ATIC: variants seen among roughly 807,000 people sequenced by gnomAD.
The protein encoded by ATIC is bifunctional purine biosynthesis protein ATIC.
Under a neutral mutation model 72.5 loss-of-function variants are expected in ATIC, and 64 were observed. The ratio of observed to expected loss-of-function variants is 0.88; its 90% CI spans 0.72 to 1.09. The LOEUF (loss-of-function observed/expected upper bound fraction) is 1.09. Among genes scored for constraint, ATIC ranks in the 50% least tolerant of loss-of-function variants. ATIC has a pLI of 0.00. For synonymous variants in ATIC, 281 were observed against 267.1 expected (o/e 1.05, Z -0.51); for missense variants, 787 against 732.4 (o/e 1.07, Z -0.86).
intron 12 of ATIC, among the ~76,000 whole-genome samples, chr2:215,342,320 A>T (rs573450520): frequency 6.7e-6 from 1 of 148,236 alleles, no homozygotes; most frequent in Non-Finnish European, 1.5e-5. Flanking sequence ...TTAGAGTAAT[A>T]AATTCTTAAG....
At chr2:215,343,890 C>T (rs893531422) in intron 12 of ATIC, among the ~76,000 whole-genome samples, 3 of 152,146 alleles carry the variant, frequency 2.0e-5, no homozygotes, top group Non-Finnish European at 4.4e-5. Context: ...GTATTCATGC[C>T]TGATACTAAA....
At chr2:215,319,857 A>G in intron 4 of ATIC, 126 bp downstream of exon 4, 2 of 805,668 alleles carry the variant, frequency 2.5e-6, no homozygotes, top group Non-Finnish European at 4.2e-6. Flanking sequence ...GTGACTTTGT[A>G]TGTGTGTAAG....
intron 9 of ATIC, 33 bp downstream of exon 9, chr2:215,333,490 G>A: frequency 6.5e-7 from 1 of 1,545,640 alleles, no homozygotes; most frequent in Non-Finnish European, 8.9e-7. Context: ...ATTTGGGGGA[G>A]AAAGAAAAAG....
downstream of ATIC, among the ~76,000 whole-genome samples, chr2:215,352,624 T>G (rs1177504210): frequency 6.6e-6 from 1 of 152,086 alleles, no homozygotes; most frequent in Non-Finnish European, 1.5e-5. Flanking sequence ...AAAAAGCCTA[T>G]TTTAAAAAGT....
chr2:215,338,620 T>A, intron 11 of ATIC, 159 bp from the exon 12 acceptor site: 1 of 668,512 alleles, frequency 1.5e-6, no homozygotes, highest in Non-Finnish European at 2.4e-6. Context: ...ATTTAACACA[T>A]CATTTGTTGT....
intron 5 of ATIC, 54 bp downstream of exon 5, chr2:215,325,383 T>C: frequency 7.4e-7 from 1 of 1,352,506 alleles, no homozygotes; most frequent in Non-Finnish European, 1.1e-6. Context: ...ATTTAAATTT[T>C]AGTGAGATTT....
At chr2:215,327,027 G>GT (rs1166327693) in intron 7 of ATIC, 49 bp downstream of exon 7, 12 of 1,611,294 alleles carry the variant, frequency 7.4e-6, no homozygotes, top group Non-Finnish European at 9.3e-6. Flanking sequence ...TGGAGAGTGT[G>GT]TGTTTCTCTG....
At chr2:215,360,538 G>A in the ATIC span, 1 of 152,228 alleles carries the variant, frequency 6.6e-6, no homozygotes, top group Non-Finnish European at 1.5e-5. Flanking sequence ...GTGGAGGGAA[G>A]AAGGGAAGAA....
At chr2:215,339,780 G>A (rs1472046747) in intron 12 of ATIC, among the ~76,000 whole-genome samples, 9 of 149,972 alleles carry the variant, frequency 6.0e-5, no homozygotes, top group Admixed American at 4.0e-4. Flanking sequence ...GACTACAGGC[G>A]CCCGCCACAA....
At chr2:215,312,223 T>C (rs1357705111) in intron 1 of ATIC, 62 bp downstream of exon 1, 38 of 1,457,964 alleles carry the variant, frequency 2.6e-5, no homozygotes, top group Non-Finnish European at 3.3e-5. Context: ...CGCTCCCGCC[T>C]TGGCGGCGGC....
the ATIC span, chr2:215,361,554 T>C: frequency 6.3e-7 from 1 of 1,598,946 alleles, no homozygotes; most frequent in East Asian, 2.2e-5. Context: ...GGAAAGATGA[T>C]TTACTCTCGG....
At chr2:215,315,811 C>T (rs75309827) in intron 2 of ATIC, among the ~76,000 whole-genome samples, 217 of 151,168 alleles carry the variant, frequency 1.4e-3, no homozygotes, top group South Asian at 8.9e-3. Flanking sequence ...AAGAATCAGC[C>T]GGGTGTGGTG....
At chr2:215,337,725 A>C (rs2052972391) in intron 11 of ATIC, among the ~76,000 whole-genome samples, 1 of 152,196 alleles carries the variant, frequency 6.6e-6, no homozygotes, top group African/African-American at 2.4e-5. Flanking sequence ...TATGTACTTA[A>C]CAACCATTAG....
intron 11 of ATIC, among the ~76,000 whole-genome samples, chr2:215,337,695 G>T (rs1289000561): frequency 2.0e-5 from 3 of 151,964 alleles, no homozygotes; most frequent in Admixed American, 1.3e-4. Context: ...TTTTTTTTTT[G>T]TTGTTGTTGT....
chr2:215,312,306 C>T (rs1228926392), intron 1 of ATIC, 145 bp downstream of exon 1: 2 of 1,450,888 alleles, frequency 1.4e-6, no homozygotes, highest in East Asian at 4.9e-5. Context: ...GGCCGGGCCG[C>T]AGCCTGCGTG....
downstream of ATIC, among the ~76,000 whole-genome samples, chr2:215,350,786 T>C (rs1478729009): frequency 1.3e-5 from 2 of 152,212 alleles, no homozygotes; most frequent in African/African-American, 4.8e-5. Context: ...GTCCTGCCTG[T>C]GTGCTCCTGA....
chr2:215,345,324 A>T, intron 13 of ATIC: 1 of 226,138 alleles, frequency 4.4e-6, no homozygotes, highest in South Asian at 6.2e-5. Flanking sequence ...CTAGACTAGG[A>T]GTTAACTTCA....
At chr2:215,312,761 T>G in intron 2 of ATIC, 137 bp downstream of exon 2, 2 of 1,360,590 alleles carry the variant, frequency 1.5e-6, no homozygotes, top group South Asian at 2.5e-5. Context: ...CTTCCCCACT[T>G]TATGGGGAAA....
rs114277100 is a variant in ATIC at position 215,344,856 on chromosome 2, C to T, written c.1305C>T (p.Tyr435=). 87 of 1,613,966 alleles carry T rather than the reference C, an allele frequency of 5.4e-5. No individual in the cohort carries two copies. Among genetic ancestry groups the T allele is most frequent in the Middle Eastern group, 1.6e-4 (1 of 6,062 alleles). Residue 435 remains tyrosine (Y), a synonymous_variant, in exon 13 of 16, where the codon TAC becomes TAT. Coordinates refer to ENST00000236959, the MANE Select transcript of ATIC (RefSeq NM_004044.7). ...VKYTQSNSVC[Y]AKNGQVIGIG... ...ACACTCAGTCTAACTCTGTGTGCTACGCCAAGAACGGGCAGGTAAGTGGGC... is the reference window on the plus strand; with the variant it reads ...ACACTCAGTCTAACTCTGTGTGCTATGCCAAGAACGGGCAGGTAAGTGGGC...
Sources: gnomAD v4.1 joint callset for allele counts (sites outside exome capture counted in the v4.1 genomes callset) on GRCh38, gnomAD v4.1.1 for gene constraint, MANE v1.5 for transcripts, NCBI Gene and HGNC (gene_info 2026-07-23, HGNC 2026-07-21) for gene names.